Variants in LRRC69 observed in about 807,000 individuals in gnomAD.
LRRC69 encodes the protein leucine rich repeat containing 69.
LRRC69 carries 42 observed loss-of-function variants against 37.8 expected under a neutral mutation model. That is an observed-to-expected ratio of 1.11 (90% CI 0.87 to 1.44). The LOEUF is 1.44. Among genes scored for constraint, LRRC69 ranks in the 40% most tolerant of loss-of-function variants. The pLI is 0.00. For missense variants in LRRC69, 357 were observed against 401.9 expected (o/e 0.89, Z 0.96); for synonymous variants, 141 against 143.1 (o/e 0.99, Z 0.11).
intron 5 of LRRC69, among the ~76,000 whole-genome samples, chr8:91,186,785 TAGG>T (rs1195536263): frequency 1.3e-5 from 2 of 150,904 alleles, no homozygotes; most frequent in Non-Finnish European, 3.0e-5. Flanking sequence ...TGGCCAGGAG[TAGG>T]AGAAGATTGT....
intron 7 of LRRC69, among the ~76,000 whole-genome samples, chr8:91,203,527 G>A (rs1390825267): frequency 6.6e-6 from 1 of 151,584 alleles, no homozygotes; most frequent in Non-Finnish European, 1.5e-5. Context: ...CAAGTAGCTG[G>A]GATTACAGGT....
intron 6 of LRRC69, among the ~76,000 whole-genome samples, chr8:91,190,924 T>A (rs769607237): frequency 6.6e-6 from 1 of 151,756 alleles, no homozygotes; most frequent in Non-Finnish European, 1.5e-5. Context: ...GGCATGGCAG[T>A]GTGTGCCTGT....
At chr8:91,106,968 ATTT>A (rs764290838) in intron 1 of LRRC69, among the ~76,000 whole-genome samples, 3 of 136,852 alleles carry the variant, frequency 2.2e-5, no homozygotes, top group East Asian at 2.1e-4. Flanking sequence ...AATTAAAAAA[ATTT>A]TTTTTTTTTG....
chr8:91,199,032 A>T (rs1451706150), intron 6 of LRRC69, among the ~76,000 whole-genome samples: 1 of 152,184 alleles, frequency 6.6e-6, no homozygotes, highest in Non-Finnish European at 1.5e-5. Context: ...TAAATGGAAA[A>T]AGTGATCTAT....
At position 91,162,579 on chromosome 8, in the gene LRRC69, C is replaced by T. The variant is rs925158860; in HGVS notation, c.651+26840C>T. Among the ~76,000 whole-genome samples the T allele has an allele frequency of 2.6e-5, 4 of 151,432 alleles. No homozygotes were observed. In the East Asian group the frequency reaches 7.8e-4, roughly 29 times the overall value. ...TAATGTAAGTATAGTTACTCCTGCTCACTTTTGTTTTCCATTTGTATGGAA... is the reference window on the plus strand; with the variant it reads ...TAATGTAAGTATAGTTACTCCTGCTTACTTTTGTTTTCCATTTGTATGGAA... On this transcript the variant is annotated intron_variant, in intron 5 of 7. Coordinates refer to ENST00000448384, the Ensembl canonical transcript of LRRC69.
intron 5 of LRRC69, among the ~76,000 whole-genome samples, chr8:91,168,779 TAGAA>T (rs1809074494): frequency 6.6e-6 from 1 of 151,784 alleles, no homozygotes. Context: ...CATAAAAATA[TAGAA>T]AGAATAATGA....
chr8:91,164,627 A>G (rs888341964), intron 5 of LRRC69, among the ~76,000 whole-genome samples: 7 of 151,722 alleles, frequency 4.6e-5, no homozygotes, highest in African/African-American at 1.4e-4. Flanking sequence ...TTTGAAAACT[A>G]TGCTGGTTTT....
chr8:91,162,066 A>G lies in LRRC69; in HGVS notation c.651+26327A>G, dbSNP rs191442799. Among the ~76,000 whole-genome samples, 178 of 151,544 alleles carry G rather than the reference A, an allele frequency of 1.2e-3. 1 individual carries two copies. The highest frequency in any genetic ancestry group is 4.2e-3 in the African/African-American group (175 of 41,476). On this transcript the variant is annotated intron_variant, in intron 5 of 7. Coordinates refer to ENST00000448384, the Ensembl canonical transcript of LRRC69. Reference sequence around the variant, plus strand: ...ACTTTTATGTGTTTGTACAGTTTCCACAGTTCCTCTTGTTATTGATTCATA... The same window carrying G: ...ACTTTTATGTGTTTGTACAGTTTCCGCAGTTCCTCTTGTTATTGATTCATA...
intron 7 of LRRC69, among the ~76,000 whole-genome samples, chr8:91,210,596 G>T (rs910088967): frequency 1.5e-5 from 2 of 129,178 alleles, no homozygotes; most frequent in African/African-American, 6.9e-5. Context: ...CACACACACA[G>T]GTTAACATCA....
intron 6 of LRRC69, among the ~76,000 whole-genome samples, chr8:91,191,296 G>C (rs1809491666): frequency 6.6e-6 from 1 of 151,936 alleles, no homozygotes. Flanking sequence ...AATAATTTGA[G>C]TAACAGTTGT....
At chr8:91,124,236 G>C (rs1813678364) in intron 1 of LRRC69, among the ~76,000 whole-genome samples, 1 of 151,844 alleles carries the variant, frequency 6.6e-6, no homozygotes, top group Non-Finnish European at 1.5e-5. Context: ...TCCTTGGGAT[G>C]GTTAGTAATA....
At chr8:91,213,946 G>C (rs1490379620) in intron 7 of LRRC69, among the ~76,000 whole-genome samples, 2 of 152,090 alleles carry the variant, frequency 1.3e-5, no homozygotes, top group African/African-American at 2.4e-5. Flanking sequence ...ATTAAGTAAG[G>C]GGTTTGAACT....
At chr8:91,158,509 A>G in intron 5 of LRRC69, 2 of 1,119,334 alleles carry the variant, frequency 1.8e-6, no homozygotes, top group Non-Finnish European at 1.4e-6. Context: ...TGGGAGATGA[A>G]GCCAATGGGC....
intron 7 of LRRC69, among the ~76,000 whole-genome samples, chr8:91,213,567 C>T (rs182474398): frequency 2.0e-5 from 3 of 152,166 alleles, no homozygotes; most frequent in African/African-American, 7.2e-5. Context: ...CTAGTCTGTT[C>T]CAAATGGTTT....
chr8:91,194,954 C>G (rs1187821871), intron 6 of LRRC69, among the ~76,000 whole-genome samples: 1 of 152,140 alleles, frequency 6.6e-6, no homozygotes, highest in Non-Finnish European at 1.5e-5. Context: ...AATTTTGGAT[C>G]TTTCCTGCTT....
chr8:91,128,981 A>T (rs1813763834), intron 3 of LRRC69, among the ~76,000 whole-genome samples: 1 of 152,016 alleles, frequency 6.6e-6, no homozygotes, highest in Non-Finnish European at 1.5e-5. Flanking sequence ...CTCTGTGCTG[A>T]TGTTTGATTT....
chr8:91,115,941 G>A (rs1440090337), intron 1 of LRRC69, among the ~76,000 whole-genome samples: 1 of 151,924 alleles, frequency 6.6e-6, no homozygotes. Flanking sequence ...CTGCAGGTAA[G>A]CCTAACATAC....
intron 1 of LRRC69, among the ~76,000 whole-genome samples, chr8:91,114,244 G>T (rs1813466802): frequency 6.6e-6 from 1 of 151,932 alleles, no homozygotes; most frequent in Non-Finnish European, 1.5e-5. Flanking sequence ...TATGGAAAGA[G>T]TATGAAGATT....
At chr8:91,196,924 T>C (rs941128724) in intron 6 of LRRC69, among the ~76,000 whole-genome samples, 4 of 152,096 alleles carry the variant, frequency 2.6e-5, no homozygotes, top group East Asian at 3.9e-4. Flanking sequence ...CGCTCTGCGT[T>C]TTAGAGTTTC....
Sources: gnomAD v4.1 joint callset for allele counts (sites outside exome capture counted in the v4.1 genomes callset) on GRCh38, gnomAD v4.1.1 for gene constraint, MANE v1.5 for transcripts, NCBI Gene and HGNC (gene_info 2026-07-23, HGNC 2026-07-21) for gene names.